SLC60A1: variants seen among roughly 807,000 people sequenced by gnomAD.
The protein encoded by SLC60A1 is solute carrier family 60 member 1, also known as major facilitator superfamily domain containing 4.
chr1:205,580,802 C>T, the SLC60A1 span: 1 of 1,614,192 alleles, frequency 6.2e-7, no homozygotes, highest in Non-Finnish European at 8.5e-7. The surrounding 1 kb of genome is among the most constrained non-coding windows in gnomAD (Gnocchi z 5.0). Context: ...CTCCAGGGTG[C>T]TGGGCCAGCA....
At chr1:205,588,469 CAAAAAAAA>C in the SLC60A1 span, among the ~76,000 whole-genome samples, 6 of 84,732 alleles carry the variant, frequency 7.1e-5, no homozygotes, top group African/African-American at 2.5e-4. Context: ...GACTTCAAAT[CAAAAAAAA>C]AAAAAAAAAA....
At chr1:205,583,706 T>C in the SLC60A1 span, among the ~76,000 whole-genome samples, 26 of 152,234 alleles carry the variant, frequency 1.7e-4, no homozygotes, top group Non-Finnish European at 1.5e-5. Flanking sequence ...AAGCTTTGCA[T>C]GCGACAAATA....
chr1:205,569,234 G>A, the SLC60A1 span: 2 of 1,569,380 alleles, frequency 1.3e-6, no homozygotes, highest in Non-Finnish European at 8.6e-7. Context: ...AGATCTCCTG[G>A]GTCTTCTTCT....
the SLC60A1 span, chr1:205,602,487 T>C: frequency 6.6e-6 from 1 of 152,664 alleles, no homozygotes; most frequent in South Asian, 2.1e-4. Flanking sequence ...AGTGAATTTG[T>C]ATAAAGCAAA....
At chr1:205,575,604 G>A in the SLC60A1 span, among the ~76,000 whole-genome samples, 1 of 152,180 alleles carries the variant, frequency 6.6e-6, no homozygotes, top group East Asian at 1.9e-4. Flanking sequence ...TGTGGGTAAG[G>A]CAGAGCATGG....
chr1:205,589,725 C>T, the SLC60A1 span, among the ~76,000 whole-genome samples: 1 of 152,112 alleles, frequency 6.6e-6, no homozygotes, highest in Admixed American at 6.5e-5. Flanking sequence ...AGTGGTAGAA[C>T]TAGACAGGAG....
At chr1:205,583,985 C>G in the SLC60A1 span, 3 of 1,613,872 alleles carry the variant, frequency 1.9e-6, no homozygotes, top group Non-Finnish European at 2.5e-6. Flanking sequence ...GCTGATGCTG[C>G]TGTCCAAGGA....
the SLC60A1 span, chr1:205,597,547 C>T: frequency 1.3e-5 from 5 of 397,090 alleles, no homozygotes; most frequent in South Asian, 9.3e-5. Context: ...CACCACCATG[C>T]CCAGTTAATT....
chr1:205,577,521 GGTGTTAGAGGCGCAT>G, the SLC60A1 span, among the ~76,000 whole-genome samples: 1 of 152,170 alleles, frequency 6.6e-6, no homozygotes, highest in African/African-American at 2.4e-5. This position sits in a 1 kb window ranked among gnomAD's most constrained non-coding sequence, Gnocchi z 5.2. Flanking sequence ...CCCGCAGAGG[GGTGTTAGAGGCGCAT>G]GTTCTAGAGA....
the SLC60A1 span, among the ~76,000 whole-genome samples, chr1:205,588,086 A>G: frequency 6.6e-6 from 1 of 152,120 alleles, no homozygotes; most frequent in Non-Finnish European, 1.5e-5. Flanking sequence ...ACCCCAGGGG[A>G]ATTACATCAT....
the SLC60A1 span, among the ~76,000 whole-genome samples, chr1:205,580,259 G>T: frequency 6.6e-6 from 1 of 151,976 alleles, no homozygotes; most frequent in East Asian, 1.9e-4. The surrounding 1 kb of genome is among the most constrained non-coding windows in gnomAD (Gnocchi z 5.0). Context: ...CTCCCCCCGG[G>T]ATTCAGCCAG....
the SLC60A1 span, chr1:205,583,973 G>T: frequency 1.2e-6 from 2 of 1,613,600 alleles, no homozygotes; most frequent in Non-Finnish European, 1.7e-6. Context: ...GCCCATGGCT[G>T]TGCTGATGCT....
chr1:205,578,791 G>T, the SLC60A1 span, among the ~76,000 whole-genome samples: 3 of 152,144 alleles, frequency 2.0e-5, no homozygotes, highest in African/African-American at 7.2e-5. Flanking sequence ...CTGATGGGGT[G>T]GGGGGCTCTC....
chr1:205,573,317 G>A, the SLC60A1 span, among the ~76,000 whole-genome samples: 1 of 152,266 alleles, frequency 6.6e-6, no homozygotes, highest in Admixed American at 6.5e-5. Context: ...CTACTCGGGA[G>A]GCTGAGGCAG....
At chr1:205,591,647 G>C in the SLC60A1 span, among the ~76,000 whole-genome samples, 14 of 152,122 alleles carry the variant, frequency 9.2e-5, no homozygotes, top group Admixed American at 2.0e-4. Context: ...CAGAGGATGG[G>C]ACCCTGCTGC....
the SLC60A1 span, chr1:205,600,474 A>T: frequency 4.3e-6 from 7 of 1,613,558 alleles, no homozygotes; most frequent in African/African-American, 8.0e-5. Flanking sequence ...CTGGGTGAAG[A>T]AGGCAAGAGA....
the SLC60A1 span, among the ~76,000 whole-genome samples, chr1:205,593,289 T>G: frequency 7.3e-5 from 11 of 151,624 alleles, no homozygotes. Context: ...GCTAACACGC[T>G]GAAACCCCGT....
the SLC60A1 span, chr1:205,602,702 T>C: frequency 1.3e-5 from 2 of 152,256 alleles, no homozygotes; most frequent in African/African-American, 4.8e-5. Flanking sequence ...GCCAGTCTAA[T>C]TTAAATGCAG....
the SLC60A1 span, among the ~76,000 whole-genome samples, chr1:205,596,618 T>A: frequency 7.4e-6 from 1 of 135,246 alleles, no homozygotes; most frequent in African/African-American, 2.8e-5. Context: ...GGAGGATGAA[T>A]GTTCAGTGGG....
Sources: allele counts gnomAD v4.1 joint callset (sites outside exome capture counted in the v4.1 genomes callset), GRCh38; gene constraint gnomAD v4.1.1; non-coding constraint Gnocchi (gnomAD v3.1); transcripts MANE v1.5; gene names NCBI Gene and HGNC (gene_info 2026-07-23, HGNC 2026-07-21).